RNF114: variants seen among roughly 807,000 people sequenced by gnomAD.
RNF114 encodes the protein ring finger protein 114.
A neutral mutation model predicts 28.4 loss-of-function variants in RNF114; 6 were observed. That is an observed-to-expected ratio of 0.21 (90% CI 0.12 to 0.42). RNF114 has a LOEUF of 0.42. RNF114 is among the 10% of genes least tolerant of loss of function. The pLI is 1.00. For synonymous variants in RNF114, 115 were observed against 116.7 expected (o/e 0.99, Z 0.09); for missense variants, 249 against 311.7 (o/e 0.80, Z 1.51).
chr20:49,949,879 G>A (rs1431553869), intron 5 of RNF114, among the ~76,000 whole-genome samples: 4 of 151,578 alleles, frequency 2.6e-5, no homozygotes, highest in African/African-American at 9.7e-5. Flanking sequence ...TCCTGACCTC[G>A]TGATCTGCCC....
At chr20:49,936,584 C>A (rs1320964087) in intron 1 of RNF114, 32 bp downstream of exon 1, 3 of 1,572,216 alleles carry the variant, frequency 1.9e-6, no homozygotes, top group Non-Finnish European at 2.6e-6. Flanking sequence ...GGTCGGGGGG[C>A]GCTTAACTGG....
At position 49,952,122 on chromosome 20, in the gene RNF114, G is replaced by A. The variant is rs763371110; in HGVS notation, c.668G>A (p.Arg223His). 14 of 1,613,964 alleles carry A rather than the reference G, an allele frequency of 8.7e-6. No individual in the cohort carries two copies. The highest frequency in any genetic ancestry group is 7.7e-5 in the South Asian group (7 of 91,072). The change falls in exon 6 of 6, where the codon CGC (arginine) becomes CAC (histidine). Residue 223 changes from arginine (R) to histidine (H), a missense_variant. Coordinates refer to ENST00000244061, the MANE Select transcript of RNF114 (RefSeq NM_018683.4). ...GACATGATGAATCAGGTGTTGCAGC[G>A]CTCCATCATCGACCAGTGAGCAGAG... ...EEDMMNQVLQ[R>H]SIIDQ
At chr20:49,946,351 A>G (rs2090331526) in intron 4 of RNF114, 101 bp downstream of exon 4, 1 of 613,308 alleles carries the variant, frequency 1.6e-6, no homozygotes, top group East Asian at 2.8e-5. Flanking sequence ...TGTGCCCTTC[A>G]CCTAGATTGA....
rs554232468 is a variant in RNF114, at chr20:49,942,050, A to G, written c.291+339A>G. 12 of 242,838 alleles carry G rather than the reference A, an allele frequency of 4.9e-5. No individual in the cohort carries two copies. The South Asian group carries it at 6.4e-4, about 13-fold the overall frequency. 15.0% of individuals were successfully genotyped at this position (242,838 alleles called of 1,614,324 possible). ...GAGTCCGAGGCAAGAGCTTGAGGCT[A>G]GGAGTTAAGAGACCAGCCTGGACAA... On this transcript the variant is annotated intron_variant, in intron 2 of 5. Transcript: ENST00000244061.
At chr20:49,941,840 C>A in intron 2 of RNF114, 129 bp downstream of exon 2, 2 of 893,164 alleles carry the variant, frequency 2.2e-6, no homozygotes, top group Non-Finnish European at 1.7e-6. Flanking sequence ...ATGCCAATTA[C>A]CTGTGGTGAT....
chr20:49,948,520 C>A (rs1048235526), intron 4 of RNF114, among the ~76,000 whole-genome samples: 11 of 151,848 alleles, frequency 7.2e-5, no homozygotes, highest in Non-Finnish European at 1.6e-4. Context: ...TCACTGCAAC[C>A]TCCACTTCCA....
At chr20:49,936,702 G>A (rs571624206) in intron 1 of RNF114, 150 bp downstream of exon 1, 1 of 896,076 alleles carries the variant, frequency 1.1e-6, no homozygotes, top group Non-Finnish European at 1.6e-6. Flanking sequence ...GGCCGTGAAA[G>A]CTGCCGGGGC....
At chr20:49,946,064 G>A in intron 3 of RNF114, 72 bp from the exon 4 acceptor site, 2 of 725,344 alleles carry the variant, frequency 2.8e-6, no homozygotes, top group Non-Finnish European at 4.7e-6. Context: ...TTTTTGGAGT[G>A]TACTGTGGTT....
At chr20:49,943,871 G>GATATATATATATAT (rs1325124037) in intron 2 of RNF114, 4 of 65,560 alleles carry the variant, frequency 6.1e-5, no homozygotes, top group Admixed American at 3.4e-4. Flanking sequence ...CATACACACA[G>GATATATATATATAT]AGATATATAT....
chr20:49,943,821 G>T (rs1600869710), intron 2 of RNF114: 1 of 72,790 alleles, frequency 1.4e-5, no homozygotes. Context: ...ACCACGCCCA[G>T]CTATATATAT....
At chr20:49,945,358 G>A (rs780939153) in intron 2 of RNF114, 24 bp from the exon 3 acceptor site, 11 of 1,510,564 alleles carry the variant, frequency 7.3e-6, no homozygotes, top group Non-Finnish European at 1.0e-5. Flanking sequence ...ACTAACTTAT[G>A]GGCTCTGATT....
chr20:49,941,715 T>C lies in RNF114; in HGVS notation c.291+4T>C, dbSNP rs1045321777. 3.7e-6 allele frequency: 6 copies of C among 1,610,194 alleles called. No homozygotes were observed. In the African/African-American group the frequency reaches 8.0e-5, roughly 22 times the overall value. ...TTGCCATGGCTGCCGTAAGAATGTA[T>C]GTGGAAGTGATGTGGAAGAGTCCAT... is the stretch of plus-strand genomic sequence containing the variant. On this transcript the variant is annotated splice_donor_region_variant and intron_variant, in intron 2 of 5. Transcript: ENST00000244061.
intron 2 of RNF114, chr20:49,943,873 G>GATACAT (rs1555857476): frequency 8.2e-6 from 1 of 122,136 alleles, no homozygotes; most frequent in African/African-American, 3.1e-5. Context: ...TACACACAGA[G>GATACAT]ATATATATAT....
At chr20:49,948,496 G>A (rs2090343675) in intron 4 of RNF114, among the ~76,000 whole-genome samples, 1 of 150,994 alleles carries the variant, frequency 6.6e-6, no homozygotes, top group Admixed American at 6.6e-5. Flanking sequence ...GGAGTGCAGT[G>A]GCACAATCTT....
At chr20:49,940,350 C>T (rs2090302743) in intron 1 of RNF114, among the ~76,000 whole-genome samples, 1 of 151,750 alleles carries the variant, frequency 6.6e-6, no homozygotes, top group Non-Finnish European at 1.5e-5. Flanking sequence ...TGGCACATCT[C>T]ACACATGCAC....
chr20:49,951,118 C>T (rs2090353767), intron 5 of RNF114, among the ~76,000 whole-genome samples: 1 of 151,946 alleles, frequency 6.6e-6, no homozygotes, highest in Non-Finnish European at 1.5e-5. Flanking sequence ...ATATAGATGT[C>T]AAGTTAGGAT....
intron 1 of RNF114, among the ~76,000 whole-genome samples, chr20:49,940,053 CA>C (rs71190515): frequency 0.017 from 1,313 of 75,516 alleles, 5 homozygotes; most frequent in African/African-American, 0.022. Flanking sequence ...GACTCTGTCT[CA>C]AAAAAAAAAA....
In RNF114 at chr20:49,936,399, A is replaced by C. The variant is rs765001604; in HGVS notation, c.-14A>C. On this transcript the variant is annotated 5_prime_UTR_variant, in exon 1 of 6. Transcript: ENST00000244061. ...CTCATCGGCCGCCGTTGCGCGGCGC[A>C]GAGCGGCAGCAAGATGGCGGCGCAA... 41 of 1,491,006 alleles carry C rather than the reference A, an allele frequency of 2.7e-5. No homozygotes were observed. Among genetic ancestry groups the C allele is most frequent in the Non-Finnish European group, 7.1e-6 (8 of 1,119,588 alleles). 92.4% of individuals were successfully genotyped at this position (1,491,006 alleles called of 1,614,324 possible).
At position 49,952,708 on chromosome 20, in the gene RNF114, G is replaced by A. The variant is rs2090359745; in HGVS notation, c.*567G>A. Reference sequence around the variant, plus strand: ...GGTTTTGTACCATCTGATGCTGGAAGTTTTGATTAGTGATATTTTCTACTA... The same window carrying A: ...GGTTTTGTACCATCTGATGCTGGAAATTTTGATTAGTGATATTTTCTACTA... On this transcript the variant is annotated 3_prime_UTR_variant, in exon 6 of 6. Coordinates refer to ENST00000244061, the MANE Select transcript of RNF114 (RefSeq NM_018683.4). 6.3e-6 allele frequency: 1 copy of A among 157,560 alleles called. No homozygotes were observed. The allele number at this position is 157,560 out of a possible 1,614,324, so 9.8% of individuals were successfully genotyped here. A position where few individuals can be genotyped will look rare whatever the true frequency, so the allele number is the denominator to read the frequency against.
Sources: allele counts gnomAD v4.1 joint callset (sites outside exome capture counted in the v4.1 genomes callset), GRCh38; gene constraint gnomAD v4.1.1; transcripts MANE v1.5; gene names NCBI Gene and HGNC (gene_info 2026-07-23, HGNC 2026-07-21).